The following CNTN4 variants were observed in gnomAD, a reference collection of about 807,000 sequenced individuals.
CNTN4 encodes contactin 4.
CNTN4 carries 77 observed loss-of-function variants against 122.5 expected under a neutral mutation model. The observed-to-expected ratio is 0.63, with a 90% CI of 0.52 to 0.76. The LOEUF is 0.76. Among genes scored for constraint, CNTN4 ranks in the 30% least tolerant of loss-of-function variants. The pLI is 0.00. For synonymous variants in CNTN4, 512 were observed against 447.0 expected, an observed-to-expected ratio of 1.15 and a Z score of -1.83; for missense variants, 1,256 against 1,259.1, an observed-to-expected ratio of 1.00 and a Z score of 0.04.
chr3:2,138,504 C>A (rs563979565), intron 2 of CNTN4, among the ~76,000 whole-genome samples: 48 of 152,242 alleles, frequency 3.2e-4, no homozygotes, highest in African/African-American at 1.0e-3. Context: ...CTGGGTGTTT[C>A]TGTGAAGGTG....
At chr3:2,548,534 A>G (rs1052141363) in intron 3 of CNTN4, among the ~76,000 whole-genome samples, 2 of 152,026 alleles carry the variant, frequency 1.3e-5, no homozygotes, top group South Asian at 2.1e-4. Context: ...ATTGGTCTAT[A>G]TATCCTTTTT....
At chr3:2,189,753 TA>T (rs901341396) in intron 2 of CNTN4, among the ~76,000 whole-genome samples, 5 of 145,400 alleles carry the variant, frequency 3.4e-5, no homozygotes. Context: ...TCATTTTTTT[TA>T]AAGTGACTAA....
intron 13 of CNTN4, among the ~76,000 whole-genome samples, chr3:2,972,357 C>A (rs895224972): frequency 6.6e-6 from 1 of 152,016 alleles, no homozygotes; most frequent in African/African-American, 2.4e-5. Flanking sequence ...GACACACACA[C>A]TCAAAGATTT....
chr3:2,328,453 T>C (rs12492509), intron 2 of CNTN4, among the ~76,000 whole-genome samples: 2,590 of 152,354 alleles, frequency 0.017, 196 homozygotes, highest in Admixed American at 0.15. Flanking sequence ...TCTTTAATTA[T>C]GCATTTCTGA....
At chr3:2,310,314 C>T (rs2042868236) in intron 2 of CNTN4, among the ~76,000 whole-genome samples, 1 of 152,130 alleles carries the variant, frequency 6.6e-6, no homozygotes, top group South Asian at 2.1e-4. Context: ...TTTTTAAAGT[C>T]CCCCAGGCTA....
intron 14 of CNTN4, chr3:3,008,895 G>A: frequency 1.0e-6 from 1 of 966,690 alleles, no homozygotes; most frequent in South Asian, 4.8e-5. Flanking sequence ...GGCATTCTAG[G>A]GCAAACCACC....
chr3:2,991,469 A>T (rs1339007219), intron 14 of CNTN4, among the ~76,000 whole-genome samples: 1 of 152,050 alleles, frequency 6.6e-6, no homozygotes, highest in Non-Finnish European at 1.5e-5. Context: ...GGGGGAAAAA[A>T]GTTTTATTTG....
intron 4 of CNTN4, among the ~76,000 whole-genome samples, chr3:2,608,945 A>G (rs929362399): frequency 4.6e-5 from 7 of 152,212 alleles, no homozygotes; most frequent in Non-Finnish European, 8.8e-5. Context: ...CTTACAGTCT[A>G]TAAAGAGTCT....
chr3:2,606,491 T>C (rs2081266367), intron 4 of CNTN4, among the ~76,000 whole-genome samples: 1 of 152,110 alleles, frequency 6.6e-6, no homozygotes, highest in Admixed American at 6.6e-5. Context: ...ATCCCGGAAC[T>C]TAAAATAAAA....
Position 2,846,398 on chromosome 3 carries a change from C to T in CNTN4, c.455-20354C>T, listed in dbSNP as rs142840267. On this transcript the variant is annotated intron_variant, in intron 7 of 24. Transcript: ENST00000418658. Reference sequence around the variant, plus strand: ...CACCATGTGAAGAAGGACATGTTTACTTCCCCTACCACCATGATTGTAAGT... The same window carrying T: ...CACCATGTGAAGAAGGACATGTTTATTTCCCCTACCACCATGATTGTAAGT... Among the ~76,000 whole-genome samples the T allele has an allele frequency of 1.3e-4, 20 of 152,292 alleles. No homozygotes were observed. In the South Asian group the frequency reaches 2.1e-3, roughly 16 times the overall value.
At chr3:2,781,431 T>C (rs1177342311) in intron 6 of CNTN4, among the ~76,000 whole-genome samples, 1 of 143,572 alleles carries the variant, frequency 7.0e-6, no homozygotes, top group Non-Finnish European at 1.5e-5. Flanking sequence ...GAGTGAGCAA[T>C]GTCAACGAAG....
At chr3:2,633,037 A>G (rs1361072228) in intron 4 of CNTN4, among the ~76,000 whole-genome samples, 1 of 150,140 alleles carries the variant, frequency 6.7e-6, no homozygotes, top group Non-Finnish European at 1.5e-5. Context: ...TAAATTATAT[A>G]TACAATCTAA....
chr3:2,136,730 T>C (rs1429664424), intron 2 of CNTN4, among the ~76,000 whole-genome samples: 1 of 152,162 alleles, frequency 6.6e-6, no homozygotes, highest in Non-Finnish European at 1.5e-5. Context: ...ATTCCAGTTG[T>C]ATAAATAGGG....
chr3:2,694,323 A>G (rs1254529854), intron 4 of CNTN4, among the ~76,000 whole-genome samples: 5 of 152,022 alleles, frequency 3.3e-5, no homozygotes, highest in Non-Finnish European at 5.9e-5. Flanking sequence ...ATTAGTAAGT[A>G]TTTGTTGAAT....
Position 2,742,079 on chromosome 3 carries a change from A to G in CNTN4, c.183-3443A>G, listed in dbSNP as rs1049718812. On this transcript the variant is annotated intron_variant, in intron 5 of 24. Coordinates refer to ENST00000418658, the MANE Select transcript of CNTN4 (RefSeq NM_175607.3). ...AGCAAGACAAAGAATGGAGAGATCA[A>G]GTATTTTCAGACACCTTTCTGCCTG... is the stretch of plus-strand genomic sequence containing the variant. Among the ~76,000 whole-genome samples, 4 of 152,336 alleles carry G rather than the reference A, an allele frequency of 2.6e-5. No individual in the cohort carries two copies. In the South Asian group the frequency reaches 6.2e-4, roughly 24 times the overall value.
At chr3:2,258,904 A>G (rs2040709239) in intron 2 of CNTN4, among the ~76,000 whole-genome samples, 1 of 152,106 alleles carries the variant, frequency 6.6e-6, no homozygotes, top group Non-Finnish European at 1.5e-5. Flanking sequence ...CACTTAGAGA[A>G]CTGTGTGGCC....
intron 2 of CNTN4, among the ~76,000 whole-genome samples, chr3:2,170,647 T>G (rs139439587): frequency 1.3e-5 from 2 of 152,198 alleles, no homozygotes; most frequent in African/African-American, 4.8e-5. Context: ...GAACCTAAAT[T>G]TGATTTGGAG....
chr3:2,423,333 G>C (rs551543911), intron 3 of CNTN4, among the ~76,000 whole-genome samples: 4 of 152,254 alleles, frequency 2.6e-5, no homozygotes, highest in African/African-American at 9.6e-5. Flanking sequence ...ATTCATTATA[G>C]AAAGCTCAGA....
intron 14 of CNTN4, among the ~76,000 whole-genome samples, chr3:3,012,488 T>G (rs1697330196): frequency 6.6e-6 from 1 of 152,012 alleles, no homozygotes; most frequent in South Asian, 2.1e-4. Context: ...CTCACACTGT[T>G]GCCCGGGCTG....
Sources: allele counts gnomAD v4.1 joint callset (sites outside exome capture counted in the v4.1 genomes callset), GRCh38; gene constraint gnomAD v4.1.1; transcripts MANE v1.5; gene names NCBI Gene and HGNC (gene_info 2026-07-23, HGNC 2026-07-21).